Variants in RBFOX1 observed in about 807,000 individuals in gnomAD.
RBFOX1 encodes RNA binding fox-1 homolog 1.
RBFOX1 carries 8 observed loss-of-function variants against 57.7 expected under a neutral mutation model. The observed-to-expected ratio is 0.14, with a 90% CI of 0.08 to 0.25. RBFOX1 has a LOEUF of 0.25. Ranked by LOEUF, RBFOX1 falls within the 10% of genes least tolerant of loss-of-function variation. The pLI, the probability that RBFOX1 is intolerant of heterozygous loss-of-function variation, is 1.00. For missense variants in RBFOX1, 611 were observed against 548.5 expected (o/e 1.11, Z -1.14); for synonymous variants, 326 against 222.4 (o/e 1.47, Z -4.15).
intron 4 of RBFOX1, among the ~76,000 whole-genome samples, chr16:7,214,588 T>C (rs191015038): frequency 1.3e-5 from 2 of 152,196 alleles, no homozygotes; most frequent in African/African-American, 4.8e-5. Flanking sequence ...TACCTCATCG[T>C]CTGCAGCCAG....
intron 3 of RBFOX1, among the ~76,000 whole-genome samples, chr16:5,711,533 T>C (rs2051487471): frequency 6.6e-6 from 1 of 151,946 alleles, no homozygotes; most frequent in Admixed American, 6.6e-5. Context: ...GAGGAAGAGG[T>C]AACGAAATAA....
At chr16:6,333,487 T>C (rs1364757354) in intron 2 of RBFOX1, among the ~76,000 whole-genome samples, 1 of 152,250 alleles carries the variant, frequency 6.6e-6, no homozygotes, top group Non-Finnish European at 1.5e-5. Flanking sequence ...TCTCCCTTTG[T>C]CATCATAGCT....
At chr16:7,598,434 A>G (rs1312051233) in intron 9 of RBFOX1, among the ~76,000 whole-genome samples, 1 of 152,172 alleles carries the variant, frequency 6.6e-6, no homozygotes, top group Non-Finnish European at 1.5e-5. Context: ...TTACATCAAA[A>G]GGAGATATAT....
At chr16:5,720,973 A>C (rs1596957739) in intron 3 of RBFOX1, among the ~76,000 whole-genome samples, 1 of 152,184 alleles carries the variant, frequency 6.6e-6, no homozygotes, top group South Asian at 2.1e-4. Flanking sequence ...CGAAATGGCA[A>C]GTGAAAATTT....
At chr16:5,776,107 A>G (rs2054138677) in intron 3 of RBFOX1, among the ~76,000 whole-genome samples, 1 of 152,224 alleles carries the variant, frequency 6.6e-6, no homozygotes, top group Admixed American at 6.5e-5. Flanking sequence ...TTCTGGGATA[A>G]TGGATAATTA....
intron 4 of RBFOX1, among the ~76,000 whole-genome samples, chr16:7,463,554 G>T (rs2059958608): frequency 6.6e-6 from 1 of 152,134 alleles, no homozygotes; most frequent in South Asian, 2.1e-4. Context: ...CTACCCTTAT[G>T]ATGTAATCAC....
intron 1 of RBFOX1, among the ~76,000 whole-genome samples, chr16:6,294,128 G>C (rs2077793257): frequency 6.6e-6 from 1 of 151,936 alleles, no homozygotes; most frequent in South Asian, 2.1e-4. Context: ...GCTGCAGTGA[G>C]CTATGCTGGT....
rs557845169 is a variant in RBFOX1 at position 5,264,333 on chromosome 16, C to T, written c.219+24228C>T. ...GATGTCTGTGCATTGATGGTGAGAA[C>T]GTGGTCACCCTGGCCCTGCTAAGGA... On this transcript the variant is annotated intron_variant, in intron 1 of 2. Transcript: ENST00000585867. Among the ~76,000 whole-genome samples, 44 of 152,248 alleles carry T rather than the reference C, an allele frequency of 2.9e-4. No homozygotes were observed. The South Asian group carries it at 8.5e-3, about 29-fold the overall frequency.
At chr16:7,226,276 C>T (rs1345831187) in intron 4 of RBFOX1, among the ~76,000 whole-genome samples, 1 of 152,190 alleles carries the variant, frequency 6.6e-6, no homozygotes, top group African/African-American at 2.4e-5. Context: ...TGAATCAGGC[C>T]TCTCATGAAC....
intron 2 of RBFOX1, among the ~76,000 whole-genome samples, chr16:6,374,260 A>C (rs1346735252): frequency 3.3e-5 from 5 of 152,166 alleles, no homozygotes; most frequent in Non-Finnish European, 5.9e-5. Flanking sequence ...TGGCTCATGT[A>C]ATTAGGAGAC....
At chr16:6,509,983 T>C (rs1172025028) in intron 2 of RBFOX1, among the ~76,000 whole-genome samples, 1 of 152,156 alleles carries the variant, frequency 6.6e-6, no homozygotes, top group Non-Finnish European at 1.5e-5. Context: ...TGGCCAACCT[T>C]AGACAATTGG....
intron 3 of RBFOX1, among the ~76,000 whole-genome samples, chr16:5,810,275 T>C (rs942894371): frequency 6.6e-6 from 1 of 152,040 alleles, no homozygotes; most frequent in Non-Finnish European, 1.5e-5. Context: ...TGTATACATA[T>C]GTAACTAACC....
chr16:7,193,766 T>G (rs1250588624), intron 4 of RBFOX1, among the ~76,000 whole-genome samples: 2 of 152,184 alleles, frequency 1.3e-5, no homozygotes, highest in African/African-American at 4.8e-5. Context: ...CAGCTCAGAA[T>G]ATTAGTACTA....
At chr16:7,347,140 T>C (rs1279823338) in intron 4 of RBFOX1, among the ~76,000 whole-genome samples, 1 of 152,168 alleles carries the variant, frequency 6.6e-6, no homozygotes, top group Non-Finnish European at 1.5e-5. Context: ...TAGCAATATC[T>C]GGACACATTT....
intron 3 of RBFOX1, among the ~76,000 whole-genome samples, chr16:6,688,971 C>G (rs966301283): frequency 6.8e-6 from 1 of 146,396 alleles, no homozygotes; most frequent in African/African-American, 2.6e-5. Context: ...ATGAACTCAT[C>G]CTTTTTTATG....
chr16:5,276,023 CA>C (rs1321989694), intron 1 of RBFOX1, among the ~76,000 whole-genome samples: 1 of 152,138 alleles, frequency 6.6e-6, no homozygotes, highest in East Asian at 1.9e-4. Flanking sequence ...TCACCTTATA[CA>C]AAAATCAACA....
At chr16:6,308,051 A>G (rs2079750036) in intron 1 of RBFOX1, among the ~76,000 whole-genome samples, 1 of 150,424 alleles carries the variant, frequency 6.6e-6, no homozygotes, top group South Asian at 2.1e-4. Context: ...GTTTCTTTGG[A>G]TTGTTATTTA....
At chr16:6,984,430 G>A (rs556456067) in intron 3 of RBFOX1, among the ~76,000 whole-genome samples, 7 of 152,124 alleles carry the variant, frequency 4.6e-5, no homozygotes, top group African/African-American at 1.7e-4. Context: ...CCAGTGAGAC[G>A]AACCATCAGG....
At chr16:5,378,527 G>A (rs1227470722) in intron 1 of RBFOX1, among the ~76,000 whole-genome samples, 1 of 151,484 alleles carries the variant, frequency 6.6e-6, no homozygotes, top group Non-Finnish European at 1.5e-5. Flanking sequence ...TCTGTGAATA[G>A]CCTCAGCAGA....
Sources: gnomAD v4.1 joint callset for allele counts (sites outside exome capture counted in the v4.1 genomes callset) on GRCh38, gnomAD v4.1.1 for gene constraint, MANE v1.5 for transcripts, NCBI Gene and HGNC (gene_info 2026-07-23, HGNC 2026-07-21) for gene names.